The following F13A1 variants were observed in gnomAD, a reference collection of about 807,000 sequenced individuals.
F13A1 encodes FSF, A subunit.
A neutral mutation model predicts 80.1 loss-of-function variants in F13A1; 47 were observed. The ratio of observed to expected loss-of-function variants is 0.59; its 90% confidence interval spans 0.46 to 0.75. The LOEUF (loss-of-function observed/expected upper bound fraction) is 0.75, where lower values mean the gene tolerates loss of function less well. Ranked by LOEUF, F13A1 falls within the 30% of genes least tolerant of loss-of-function variation. The pLI is 0.00. For synonymous variants in F13A1, 349 were observed against 344.9 expected (o/e 1.01, Z -0.13); for missense variants, 817 against 930.4 (o/e 0.88, Z 1.59).
chr6:6,184,287 G>A (rs1305361267), intron 10 of F13A1, among the ~76,000 whole-genome samples: 1 of 152,232 alleles, frequency 6.6e-6, no homozygotes, highest in African/African-American at 2.4e-5. Flanking sequence ...CTCAAGCCCT[G>A]GGACAGCCCA....
intron 3 of F13A1, among the ~76,000 whole-genome samples, chr6:6,270,008 A>G (rs1013210890): frequency 5.3e-5 from 8 of 152,148 alleles, no homozygotes; most frequent in African/African-American, 1.9e-4. Flanking sequence ...CACTGCGCCC[A>G]GCCTACCTAC....
At chr6:6,255,384 G>C (rs190179861) in intron 4 of F13A1, among the ~76,000 whole-genome samples, 7 of 152,256 alleles carry the variant, frequency 4.6e-5, no homozygotes, top group Admixed American at 4.6e-4. Context: ...GAGGCAGAGA[G>C]AAACATAACT....
At chr6:6,281,775 C>T (rs1366478676) in intron 3 of F13A1, among the ~76,000 whole-genome samples, 3 of 151,772 alleles carry the variant, frequency 2.0e-5, no homozygotes, top group South Asian at 2.1e-4. Context: ...AGGCAGATCA[C>T]GAGGTCAGGA....
intron 8 of F13A1, among the ~76,000 whole-genome samples, chr6:6,198,691 C>T (rs1246013955): frequency 6.6e-6 from 1 of 152,180 alleles, no homozygotes; most frequent in Non-Finnish European, 1.5e-5. Flanking sequence ...AATGACAAAC[C>T]TGTAAACCAA....
intron 6 of F13A1, among the ~76,000 whole-genome samples, chr6:6,245,092 T>A (rs557423867): frequency 6.6e-6 from 1 of 152,328 alleles, no homozygotes; most frequent in Non-Finnish European, 1.5e-5. Context: ...GGAACAGTTA[T>A]GACAACTTGC....
intron 3 of F13A1, among the ~76,000 whole-genome samples, chr6:6,296,823 C>T (rs1028553196): frequency 4.1e-5 from 6 of 147,510 alleles, no homozygotes; most frequent in African/African-American, 1.6e-4. Flanking sequence ...CTGTCTTGTG[C>T]CAGTTTTCAA....
chr6:6,235,458 C>T (rs956066430), intron 6 of F13A1, among the ~76,000 whole-genome samples: 7 of 151,916 alleles, frequency 4.6e-5, no homozygotes, highest in Admixed American at 4.6e-4. Flanking sequence ...ACAAACACAA[C>T]CTTAAAACAA....
In F13A1 at chr6:6,197,230, A is replaced by G. The variant is rs1434950571; in HGVS notation, c.1209T>C (p.Asn403=). The part of the protein sequence containing the change: ...WQAVDSTPQE[N]SDGMYRCGPA... ...GGGAGGACACAGTTTTACCATCGCT[A>G]TTTTCCTGGGGGGTGCTGTCCACAG... Residue 403 remains asparagine (N), a synonymous_variant, in exon 9 of 15, where the codon AAT becomes AAC. Coordinates refer to ENST00000264870, the MANE Select transcript of F13A1 (RefSeq NM_000129.4). 3.7e-6 allele frequency: 6 copies of G among 1,614,052 alleles called. No individual in the cohort carries two copies. The highest frequency in any genetic ancestry group is 2.2e-5 in the South Asian group (2 of 91,074).
chr6:6,308,705 C>T (rs1438480840), intron 2 of F13A1, among the ~76,000 whole-genome samples: 2 of 150,112 alleles, frequency 1.3e-5, no homozygotes, highest in African/African-American at 2.5e-5. Flanking sequence ...TTCTGCCTCC[C>T]GGGTTCAAGC....
intron 10 of F13A1, among the ~76,000 whole-genome samples, chr6:6,189,994 C>T (rs1271209000): frequency 2.0e-5 from 3 of 152,230 alleles, no homozygotes; most frequent in Non-Finnish European, 2.9e-5. Context: ...TCGCTGATAC[C>T]CTTTCTTCCA....
chr6:6,190,813 C>G (rs527578559), intron 10 of F13A1, among the ~76,000 whole-genome samples: 28 of 152,258 alleles, frequency 1.8e-4, no homozygotes, highest in Non-Finnish European at 3.7e-4. Flanking sequence ...GTGGGCGCCC[C>G]TCCCCCAGCC....
At chr6:6,291,943 A>G (rs1758229234) in intron 3 of F13A1, among the ~76,000 whole-genome samples, 2 of 152,182 alleles carry the variant, frequency 1.3e-5, no homozygotes, top group South Asian at 2.1e-4. Context: ...ACACTCATCA[A>G]TTCAAACAGA....
chr6:6,222,009 A>T, intron 8 of F13A1, 24 bp downstream of exon 8: 1 of 1,611,946 alleles, frequency 6.2e-7, no homozygotes, highest in South Asian at 1.1e-5. Context: ...GACATCAGCC[A>T]ATGCCATTGT....
At chr6:6,294,874 C>T (rs1224265547) in intron 3 of F13A1, among the ~76,000 whole-genome samples, 47 of 145,974 alleles carry the variant, frequency 3.2e-4, no homozygotes, top group African/African-American at 1.2e-3. Flanking sequence ...AGGTATATCT[C>T]CCAATGCTAT....
intron 4 of F13A1, among the ~76,000 whole-genome samples, chr6:6,253,640 A>T (rs1757665683): frequency 6.6e-6 from 1 of 152,192 alleles, no homozygotes; most frequent in Admixed American, 6.5e-5. Flanking sequence ...TCCCTGAGTA[A>T]GTGCTTATTG....
intron 6 of F13A1, among the ~76,000 whole-genome samples, chr6:6,244,830 C>T (rs563186446): frequency 9.2e-5 from 14 of 152,246 alleles, no homozygotes; most frequent in South Asian, 8.3e-4. Context: ...TCCCTCGACA[C>T]GAGCTGAGTC....
intron 4 of F13A1, among the ~76,000 whole-genome samples, chr6:6,262,521 C>G (rs1166229586): frequency 3.9e-5 from 6 of 152,142 alleles, no homozygotes; most frequent in African/African-American, 1.4e-4. Flanking sequence ...CTCCACAGGC[C>G]AAGTAATGAA....
intron 4 of F13A1, among the ~76,000 whole-genome samples, chr6:6,252,792 A>G (rs182454605): frequency 1.1e-3 from 171 of 152,314 alleles, no homozygotes; most frequent in African/African-American, 3.8e-3. Flanking sequence ...TGTGAACCCA[A>G]CCAAACTTCT....
chr6:6,165,870 A>T (rs576000195), intron 13 of F13A1, among the ~76,000 whole-genome samples: 1 of 152,384 alleles, frequency 6.6e-6, no homozygotes, highest in East Asian at 1.9e-4. Flanking sequence ...CGTCCTGTGC[A>T]CACAACGCCA....
Sources: allele counts gnomAD v4.1 joint callset (sites outside exome capture counted in the v4.1 genomes callset), GRCh38; gene constraint gnomAD v4.1.1; transcripts MANE v1.5; gene names NCBI Gene and HGNC (gene_info 2026-07-23, HGNC 2026-07-21).